The following CYTH3 variants were observed in gnomAD, a reference collection of about 807,000 sequenced individuals.
CYTH3 encodes cytohesin 3.
CYTH3 carries 23 observed loss-of-function variants against 55.1 expected under a neutral mutation model. The ratio of observed to expected loss-of-function variants is 0.42; its 90% CI spans 0.30 to 0.59. The LOEUF is 0.59. Among genes scored for constraint, CYTH3 ranks in the 20% least tolerant of loss-of-function variants. The pLI is 0.20. For missense variants in CYTH3, 413 were observed against 524.8 expected, an observed-to-expected ratio of 0.79 and a Z score of 2.08; for synonymous variants, 249 against 194.9, an observed-to-expected ratio of 1.28 and a Z score of -2.31.
chr7:6,196,456 C>CTTTTTTTTTTTTTTTTTT (rs5882084), intron 1 of CYTH3, among the ~76,000 whole-genome samples: 2 of 113,984 alleles, frequency 1.8e-5, no homozygotes, highest in Non-Finnish European at 3.4e-5. Flanking sequence ...TTCTTTTTTT[C>CTTTTTTTTTTTTTTTTTT]TTTTTTTTTT....
At chr7:6,183,587 T>C (rs185826213) in intron 4 of CYTH3, among the ~76,000 whole-genome samples, 2 of 152,334 alleles carry the variant, frequency 1.3e-5, no homozygotes, top group Non-Finnish European at 2.9e-5. Context: ...AACACCATCC[T>C]AGCTGGAAGG....
In CYTH3 at chr7:6,173,797, G is replaced by A. The variant is rs537207922; in HGVS notation, c.369-64C>T. On this transcript the variant is annotated intron_variant, in intron 5 of 12. Coordinates refer to ENST00000350796, the MANE Select transcript of CYTH3 (RefSeq NM_004227.4). ...TTATCGCAATCATTTTAAAAGATGC[G>A]GCTGATGAATAATGTGGCTATGAAC... 96 of 956,630 alleles carry A rather than the reference G, an allele frequency of 1.0e-4. 1 individual carries two copies. Among genetic ancestry groups the A allele is most frequent in the Non-Finnish European group, 2.0e-5 (12 of 585,862 alleles). The allele number at this position is 956,630 out of a possible 1,614,324, so 59.3% of individuals were successfully genotyped here. A position where few individuals can be genotyped will look rare whatever the true frequency, so the allele number is the denominator to read the frequency against.
At chr7:6,225,151 A>G (rs375016310) in intron 1 of CYTH3, among the ~76,000 whole-genome samples, 1 of 152,292 alleles carries the variant, frequency 6.6e-6, no homozygotes, top group Non-Finnish European at 1.5e-5. Flanking sequence ...ACAAATTATT[A>G]ATCTATCATT....
chr7:6,201,004 T>C (rs555852251), intron 1 of CYTH3, among the ~76,000 whole-genome samples: 2 of 152,312 alleles, frequency 1.3e-5, no homozygotes, highest in African/African-American at 4.8e-5. Flanking sequence ...CAAGTAATCC[T>C]CTACTTCGGC....
intron 1 of CYTH3, among the ~76,000 whole-genome samples, chr7:6,258,245 T>G (rs1405972612): frequency 6.7e-6 from 1 of 150,140 alleles, no homozygotes; most frequent in African/African-American, 2.5e-5. Context: ...CCAAGGAGGT[T>G]GAGACCGCAA....
In CYTH3 at chr7:6,259,685, C is replaced by T. The variant is rs185159073; in HGVS notation, c.34+12789G>A. 1.8e-3 allele frequency among the ~76,000 whole-genome samples: 229 copies of T among 128,716 alleles called. 2 individuals carry two copies. The highest frequency in any genetic ancestry group is 7.3e-3 in the African/African-American group (228 of 31,064). The allele number at this position is 128,716 out of a possible 152,430, so 84.4% of individuals were successfully genotyped here. On this transcript the variant is annotated intron_variant, in intron 1 of 12. Transcript: ENST00000350796. Reference sequence around the variant, plus strand: ...TGGAGAGTCATGTATTTTCTACTCTCATTTAAATGATTTACTATTTTCCCC... The same window carrying T: ...TGGAGAGTCATGTATTTTCTACTCTTATTTAAATGATTTACTATTTTCCCC...
At chr7:6,227,548 C>T (rs555058466) in intron 1 of CYTH3, among the ~76,000 whole-genome samples, 1 of 152,144 alleles carries the variant, frequency 6.6e-6, no homozygotes, top group South Asian at 2.1e-4. Flanking sequence ...GACTTGGAAG[C>T]GTTCCCACTA....
intron 1 of CYTH3, among the ~76,000 whole-genome samples, chr7:6,198,083 G>C (rs1783976782): frequency 8.3e-6 from 1 of 120,936 alleles, no homozygotes; most frequent in Non-Finnish European, 1.7e-5. Context: ...AACAGAGTGA[G>C]ACACTCTTAA....
chr7:6,186,928 A>C, intron 4 of CYTH3, 122 bp downstream of exon 4: 1 of 987,970 alleles, frequency 1.0e-6, no homozygotes, highest in South Asian at 1.5e-5. Flanking sequence ...TGTGCCTTCA[A>C]CTCCCAGTCT....
rs192321819 is a variant in CYTH3 at position 6,236,488 on chromosome 7, G to A, written c.34+35986C>T. ...GCCTCCAAAAGCACTGGAATTACAG[G>A]TATAAGCCACTGCGCCTGGCCTGCA... is the stretch of plus-strand genomic sequence containing the variant. On this transcript the variant is annotated intron_variant, in intron 1 of 12. Transcript: ENST00000350796. 1.4e-3 allele frequency among the ~76,000 whole-genome samples: 205 copies of A among 151,852 alleles called. 1 individual carries two copies. The highest frequency in any genetic ancestry group is 1.9e-3 in the Non-Finnish European group (129 of 67,968).
chr7:6,253,233 T>C (rs987536674), intron 1 of CYTH3, among the ~76,000 whole-genome samples: 5 of 151,540 alleles, frequency 3.3e-5, no homozygotes, highest in Admixed American at 2.0e-4. Flanking sequence ...TTTTTTTTTT[T>C]TGAGACAGAG....
At chr7:6,247,934 T>A (rs1224381854) in intron 1 of CYTH3, among the ~76,000 whole-genome samples, 1 of 152,012 alleles carries the variant, frequency 6.6e-6, no homozygotes, top group Admixed American at 6.6e-5. Context: ...CCCAAAGCGC[T>A]GGGAATACAG....
At chr7:6,235,882 G>A (rs543644585) in intron 1 of CYTH3, among the ~76,000 whole-genome samples, 1 of 152,188 alleles carries the variant, frequency 6.6e-6, no homozygotes, top group East Asian at 1.9e-4. Flanking sequence ...ACAAAACGAC[G>A]AGTAAGTTGA....
intron 1 of CYTH3, among the ~76,000 whole-genome samples, chr7:6,254,748 C>T (rs535483868): frequency 3.2e-4 from 48 of 152,316 alleles, no homozygotes; most frequent in African/African-American, 1.1e-3. Flanking sequence ...TCGCACCTGC[C>T]CATGTTTGTA....
In CYTH3 at chr7:6,269,398, C is replaced by G. The variant is rs533925015; in HGVS notation, c.34+3076G>C. Among the ~76,000 whole-genome samples the G allele has an allele frequency of 3.9e-5, 6 of 152,244 alleles. No individual in the cohort carries two copies. The South Asian group carries it at 1.2e-3, about 32-fold the overall frequency. ...CATGTATTTTATTATGAACAAGGCT[C>G]AGCATCTCTTCACCTGAAGCACAGA... On this transcript the variant is annotated intron_variant, in intron 1 of 12. Coordinates refer to ENST00000350796, the MANE Select transcript of CYTH3 (RefSeq NM_004227.4).
At chr7:6,221,823 G>T (rs189237769) in intron 1 of CYTH3, among the ~76,000 whole-genome samples, 23 of 152,122 alleles carry the variant, frequency 1.5e-4, no homozygotes, top group Non-Finnish European at 1.5e-5. Context: ...ATAGTGAGGC[G>T]TGTCTGTGGT....
chr7:6,249,041 C>G (rs1049711020), intron 1 of CYTH3, among the ~76,000 whole-genome samples: 1 of 152,124 alleles, frequency 6.6e-6, no homozygotes, highest in African/African-American at 2.4e-5. Context: ...TTCTCTTTCA[C>G]GCTGTTGGGT....
intron 1 of CYTH3, among the ~76,000 whole-genome samples, chr7:6,245,585 AC>A (rs760873368): frequency 1.6e-4 from 25 of 152,296 alleles, no homozygotes; most frequent in Admixed American, 5.2e-4. Context: ...CAAGACCTTC[AC>A]AAAGGTTTGT....
At chr7:6,261,073 C>A (rs1780340324) in intron 1 of CYTH3, among the ~76,000 whole-genome samples, 1 of 152,174 alleles carries the variant, frequency 6.6e-6, no homozygotes, top group Admixed American at 6.5e-5. Flanking sequence ...TTGAAGGCAT[C>A]AGAGAGCTAC....
Sources: gnomAD v4.1 joint callset for allele counts (sites outside exome capture counted in the v4.1 genomes callset) on GRCh38, gnomAD v4.1.1 for gene constraint, MANE v1.5 for transcripts, NCBI Gene and HGNC (gene_info 2026-07-23, HGNC 2026-07-21) for gene names.